COL6A6: variants seen among roughly 807,000 people sequenced by gnomAD.
COL6A6 encodes collagen alpha-6(VI) chain.
In COL6A6, 183 loss-of-function variants were observed where a neutral mutation model predicts 208.6. The observed-to-expected ratio is 0.88, with a 90% CI of 0.78 to 0.99. The LOEUF (loss-of-function observed/expected upper bound fraction) is 0.99. COL6A6 is among the 50% of genes least tolerant of loss of function. COL6A6 has a pLI of 0.00. For synonymous variants in COL6A6, 973 were observed against 1,011.8 expected, an observed-to-expected ratio of 0.96 and a Z score of 0.73; for missense variants, 2,816 against 2,815.2, an observed-to-expected ratio of 1.00 and a Z score of -0.01.
rs1473392235 is a variant in COL6A6 at position 130,662,160 on chromosome 3, T to C, written c.6354T>C (p.Phe2118=). The change falls in exon 35 of 37, where the codon TTT becomes TTC. Residue 2118 remains phenylalanine, a synonymous_variant. Transcript: ENST00000358511. ...AKCQGYALFV[F]SLGPIWDDKE... ...GTCAGGGATATGCCTTATTTGTGTTTTCCCTTGGCCCTATTTGGGATGACA... is the reference window on the plus strand; with the variant it reads ...GTCAGGGATATGCCTTATTTGTGTTCTCCCTTGGCCCTATTTGGGATGACA... The C allele has an allele frequency of 1.9e-6, 3 of 1,613,904 alleles. No homozygotes were observed. In the African/African-American group the frequency reaches 4.0e-5, roughly 22 times the overall value.
chr3:130,618,268 A>G (rs947998478), intron 23 of COL6A6, among the ~76,000 whole-genome samples: 1 of 152,194 alleles, frequency 6.6e-6, no homozygotes, highest in Admixed American at 6.5e-5. Context: ...TTATTAACTG[A>G]GCAATTTGGA....
rs2065356330 is a variant in COL6A6 at position 130,642,816 on chromosome 3, T to A, written c.5155-16T>A. ...TGTCTAGAGGCATTAAAACAATGTT[T>A]TGTTTGTTTTCCTAGGGTGTGAAAG... is the stretch of plus-strand genomic sequence containing the variant. On this transcript the variant is annotated splice_polypyrimidine_tract_variant and intron_variant, in intron 29 of 36. Coordinates refer to ENST00000358511, the MANE Select transcript of COL6A6 (RefSeq NM_001102608.3). 1 of 1,610,646 alleles carries A rather than the reference T, an allele frequency of 6.2e-7. No homozygotes were observed.
chr3:130,568,465 T>A lies in COL6A6; in HGVS notation c.2262T>A (p.Ser754=), dbSNP rs765204569. 6.2e-7 allele frequency: 1 copy of A among 1,613,942 alleles called. No homozygotes were observed. The highest frequency in any genetic ancestry group is 8.5e-7 in the Non-Finnish European group (1 of 1,179,886). ...GGCAAGAAGGTGTAATCATCTATTC[T>A]GTGGGAGTGTTTGGCTCCAATGTCA... is the stretch of plus-strand genomic sequence containing the variant. ...VLRQEGVIIY[S]VGVFGSNVTQ... is the part of the protein sequence containing the mutation. Residue 754 remains serine, a synonymous_variant, in exon 6 of 37, where the codon TCT becomes TCA. Coordinates refer to ENST00000358511, the MANE Select transcript of COL6A6 (RefSeq NM_001102608.3).
chr3:130,579,041 T>A (rs2063359119), intron 8 of COL6A6, among the ~76,000 whole-genome samples: 2 of 152,182 alleles, frequency 1.3e-5, no homozygotes, highest in Admixed American at 1.3e-4. Context: ...TCTTTTTTAA[T>A]CTAAAATACC....
At chr3:130,646,177 C>T (rs1216713752) in intron 32 of COL6A6, among the ~76,000 whole-genome samples, 1 of 152,008 alleles carries the variant, frequency 6.6e-6, no homozygotes, top group Non-Finnish European at 1.5e-5. Flanking sequence ...AGAGATAAAG[C>T]ATAGGATGCT....
At chr3:130,527,376 A>C (rs147702642) in intron 1 of COL6A6, among the ~76,000 whole-genome samples, 1 of 152,222 alleles carries the variant, frequency 6.6e-6, no homozygotes, top group African/African-American at 2.4e-5. Context: ...TCCTGTTTTG[A>C]AAGACACTAT....
At chr3:130,606,328 AT>A (rs2108181311) in intron 20 of COL6A6, among the ~76,000 whole-genome samples, 1 of 152,352 alleles carries the variant, frequency 6.6e-6, no homozygotes, top group Non-Finnish European at 1.5e-5. Flanking sequence ...ATTATGTAGT[AT>A]CATTTTGATT....
Position 130,665,106 on chromosome 3 carries a change from GT to G in COL6A6, c.6596+13del, listed in dbSNP as rs779227230. On this transcript the variant is annotated intron_variant, in intron 36 of 36. Coordinates refer to ENST00000358511, the MANE Select transcript of COL6A6 (RefSeq NM_001102608.3). ...CACGACCATTCCGAAGGTACTGTCT[GT>G]TTGGTGTTACTTGATAAATGAGAAT... 1.3e-6 allele frequency: 2 copies of G among 1,583,026 alleles called. No homozygotes were observed. Among genetic ancestry groups the G allele is most frequent in the Non-Finnish European group, 1.7e-6 (2 of 1,158,546 alleles).
At chr3:130,565,776 A>G (rs1158933832) in intron 4 of COL6A6, among the ~76,000 whole-genome samples, 162 bp downstream of exon 4, 1 of 152,204 alleles carries the variant, frequency 6.6e-6, no homozygotes, top group Non-Finnish European at 1.5e-5. Context: ...TTTGGGGACA[A>G]TAAAAGCCAT....
At chr3:130,596,812 T>C (rs532019400) in intron 18 of COL6A6, among the ~76,000 whole-genome samples, 58 of 152,284 alleles carry the variant, frequency 3.8e-4, no homozygotes, top group African/African-American at 1.4e-3. Context: ...AGTATAATAA[T>C]GATAAAATTT....
At chr3:130,571,842 ATTTT>A (rs67080729) in intron 7 of COL6A6, among the ~76,000 whole-genome samples, 1 of 110,846 alleles carries the variant, frequency 9.0e-6, no homozygotes, top group African/African-American at 3.8e-5. Context: ...GGCATGGCTA[ATTTT>A]TTTTTTTTTT....
At position 130,571,338 on chromosome 3, in the gene COL6A6, T is replaced by C. The variant is rs551912439; in HGVS notation, c.2922T>C (p.Gly974=). 16 of 1,608,444 alleles carry C rather than the reference T, an allele frequency of 9.9e-6. No homozygotes were observed. Among genetic ancestry groups the C allele is most frequent in the Non-Finnish European group, 1.4e-5 (16 of 1,178,236 alleles). ...ACTTCTTCGTGGAGACTTTTGGAGGTCTGAAGGGAATATTTTCAGATGTGA... is the reference window on the plus strand; with the variant it reads ...ACTTCTTCGTGGAGACTTTTGGAGGCCTGAAGGGAATATTTTCAGATGTGA... ...DKYFFVETFG[G]LKGIFSDVTA... is the part of the protein sequence containing the mutation. The change falls in exon 7 of 37, where the codon GGT becomes GGC. Residue 974 remains glycine, a synonymous_variant. Transcript: ENST00000358511.
chr3:130,594,660 A>G (rs985301625), intron 18 of COL6A6, among the ~76,000 whole-genome samples: 3 of 152,218 alleles, frequency 2.0e-5, no homozygotes, highest in Non-Finnish European at 2.9e-5. Flanking sequence ...TACAAACACA[A>G]TGACAGAAAG....
At chr3:130,660,073 G>A (rs1238117866) in intron 34 of COL6A6, among the ~76,000 whole-genome samples, 1 of 152,202 alleles carries the variant, frequency 6.6e-6, no homozygotes, top group Non-Finnish European at 1.5e-5. Flanking sequence ...AGTTACAACA[G>A]TGTGATGGTA....
intron 24 of COL6A6, among the ~76,000 whole-genome samples, chr3:130,623,775 G>A (rs2064806477): frequency 6.6e-6 from 1 of 152,138 alleles, no homozygotes; most frequent in East Asian, 1.9e-4. Context: ...AAATTTCAGA[G>A]TCATTTGGAT....
rs1559766504 is a variant in COL6A6, at chr3:130,627,345, T to A, written c.4968T>A (p.Gly1656=). The A allele has an allele frequency of 6.2e-7, 1 of 1,613,754 alleles. No individual in the cohort carries two copies. The highest frequency in any genetic ancestry group is 8.5e-7 in the Non-Finnish European group (1 of 1,179,690). ...LQGNDGSPGY[G]SVGRKGAKGQ... is the part of the protein sequence containing the mutation. ...GCAATGATGGCAGTCCAGGTTATGGTAGTGTCGGACGCAAGGGAGCAAAGG... is the reference window on the plus strand; with the variant it reads ...GCAATGATGGCAGTCCAGGTTATGGAAGTGTCGGACGCAAGGGAGCAAAGG... Residue 1656 remains glycine, a synonymous_variant, in exon 26 of 37, where the codon GGT becomes GGA. Coordinates refer to ENST00000358511, the MANE Select transcript of COL6A6 (RefSeq NM_001102608.3).
chr3:130,517,136 C>CG (rs1268866155), upstream of COL6A6, among the ~76,000 whole-genome samples: 1 of 152,158 alleles, frequency 6.6e-6, no homozygotes, highest in African/African-American at 2.4e-5. Context: ...GGGCCCGGGG[C>CG]GGGGAGAAGC....
intron 28 of COL6A6, among the ~76,000 whole-genome samples, chr3:130,637,851 C>T (rs532544876): frequency 5.9e-5 from 9 of 152,004 alleles, no homozygotes; most frequent in Non-Finnish European, 1.3e-4. Context: ...AAAGCACGCA[C>T]ATAGTTTAAA....
intron 1 of COL6A6, among the ~76,000 whole-genome samples, chr3:130,553,010 T>C (rs1442800153): frequency 6.6e-6 from 1 of 152,246 alleles, no homozygotes; most frequent in Non-Finnish European, 1.5e-5. Flanking sequence ...TGCTGAAACA[T>C]CTGCTGTTAG....
Sources: allele counts gnomAD v4.1 joint callset (sites outside exome capture counted in the v4.1 genomes callset), GRCh38; gene constraint gnomAD v4.1.1; transcripts MANE v1.5; gene names NCBI Gene and HGNC (gene_info 2026-07-23, HGNC 2026-07-21).